Variants in PCLO observed in about 807,000 individuals in gnomAD.
The protein encoded by PCLO is piccolo presynaptic cytomatrix protein.
Under a neutral mutation model 427.5 loss-of-function variants are expected in PCLO, and 82 were observed. The observed-to-expected ratio is 0.19, with a 90% CI of 0.16 to 0.23. The LOEUF is 0.23. Ranked by LOEUF, PCLO falls within the 10% of genes least tolerant of loss-of-function variation. The probability of loss-of-function intolerance (pLI) is 1.00; values close to 1 mark genes in which losing one functional copy is unlikely to be tolerated. For synonymous variants in PCLO, 2,357 were observed against 2,155.4 expected, an observed-to-expected ratio of 1.09 and a Z score of -2.59; for missense variants, 6,239 against 6,115.9, an observed-to-expected ratio of 1.02 and a Z score of -0.67.
At chr7:83,045,007 C>A (rs1160291442) in intron 3 of PCLO, among the ~76,000 whole-genome samples, 3 of 152,158 alleles carry the variant, frequency 2.0e-5, no homozygotes. Context: ...CCACCATATG[C>A]TTCAGTTATT....
In PCLO at chr7:82,951,335, A is replaced by T; in HGVS notation, c.9253T>A (p.Ser3085Thr). The change falls in exon 6 of 25, where the codon TCT (serine) becomes ACT (threonine). Residue 3085 changes from serine (S) to threonine (T), a missense_variant. Transcript: ENST00000333891. Reference sequence around the variant, plus strand: ...ACTGAAGAATAGACAACACCATTAGATGACCTCAAAACACTCCCCACACAA... The same window carrying T: ...ACTGAAGAATAGACAACACCATTAGTTGACCTCAAAACACTCCCCACACAA... ...QYCVGSVLRS[S>T]NGVVYSSVAT... The T allele has an allele frequency of 6.2e-7, 1 of 1,610,558 alleles. No individual in the cohort carries two copies. The highest frequency in any genetic ancestry group is 8.5e-7 in the Non-Finnish European group (1 of 1,178,350).
rs376611941 is a variant in PCLO, at chr7:82,966,359, T to C, written c.3429A>G (p.Ser1143=). The C allele has an allele frequency of 2.4e-4, 387 of 1,613,816 alleles. No homozygotes were observed. The highest frequency in any genetic ancestry group is 3.0e-4 in the Non-Finnish European group (349 of 1,179,852). ...GAGGCACTGCTGTTTTCTGAGATGA[T>C]GATTCTGTAGGAACAGGCATAGGAG... The part of the protein sequence containing the change: ...KASPMPVPTE[S]SSQKTAVPPQ... The change falls in exon 4 of 25, where the codon TCA becomes TCG. Residue 1143 remains serine, a synonymous_variant. Coordinates refer to ENST00000333891, the MANE Select transcript of PCLO (RefSeq NM_033026.6).
intron 3 of PCLO, among the ~76,000 whole-genome samples, chr7:83,007,378 G>C (rs1411828743): frequency 6.6e-6 from 1 of 151,210 alleles, no homozygotes; most frequent in African/African-American, 2.4e-5. Context: ...GTGTAAAGTG[G>C]TAAAATATTT....
At chr7:83,025,884 C>CT (rs1788481455) in intron 3 of PCLO, among the ~76,000 whole-genome samples, 1 of 151,890 alleles carries the variant, frequency 6.6e-6, no homozygotes, top group Admixed American at 6.6e-5. Context: ...AAATAAAATA[C>CT]TTTACAGACA....
intron 4 of PCLO, among the ~76,000 whole-genome samples, chr7:82,960,983 T>C (rs950470703): frequency 2.6e-5 from 4 of 152,122 alleles, no homozygotes; most frequent in Non-Finnish European, 5.9e-5. Flanking sequence ...GGACTATAAT[T>C]CTAGTACTTC....
intron 10 of PCLO, among the ~76,000 whole-genome samples, chr7:82,874,248 T>C (rs1793313793): frequency 6.6e-6 from 1 of 151,706 alleles, no homozygotes; most frequent in Non-Finnish European, 1.5e-5. Context: ...GGACACAGTA[T>C]AAAGGAAAAA....
intron 22 of PCLO, among the ~76,000 whole-genome samples, chr7:82,796,628 C>T (rs1203482345): frequency 6.6e-6 from 1 of 151,612 alleles, no homozygotes; most frequent in Non-Finnish European, 1.5e-5. Flanking sequence ...ATAATTTTCC[C>T]TCTGGCTTAT....
In PCLO at chr7:82,954,038, C is replaced by A; in HGVS notation, c.6915G>T (p.Lys2305Asn). 6.2e-7 allele frequency: 1 copy of A among 1,613,788 alleles called. No homozygotes were observed. Residue 2305 changes from lysine to asparagine, a missense_variant, in exon 5 of 25, where the codon AAG (lysine) becomes AAT (asparagine). Lys to Asn is a moderately conservative substitution (Grantham distance 94). Coordinates refer to ENST00000333891, the MANE Select transcript of PCLO (RefSeq NM_033026.6). ...GAATGATTCCATTCCCAGTTTCCTTCTTGGCTTTCTTCACTGGGTCCTTTT... is the reference window on the plus strand; with the variant it reads ...GAATGATTCCATTCCCAGTTTCCTTATTGGCTTTCTTCACTGGGTCCTTTT... ...ISEKDPVKKAKKETGNGIILE... is the reference protein window; with the variant it reads ...ISEKDPVKKANKETGNGIILE...
chr7:83,047,749 A>T, intron 3 of PCLO, among the ~76,000 whole-genome samples: 1 of 152,258 alleles, frequency 6.6e-6, no homozygotes, highest in African/African-American at 2.4e-5. Context: ...TACAGATATG[A>T]AAATAATGGA....
intron 1 of PCLO, among the ~76,000 whole-genome samples, chr7:83,161,416 G>A (rs924311773): frequency 5.3e-5 from 8 of 152,138 alleles, no homozygotes; most frequent in African/African-American, 1.9e-4. Flanking sequence ...TAAAGGGTTT[G>A]TTTACAGTAA....
At chr7:82,768,210 GA>G (rs1427374298) in intron 22 of PCLO, among the ~76,000 whole-genome samples, 8 of 152,064 alleles carry the variant, frequency 5.3e-5, no homozygotes, top group Non-Finnish European at 7.4e-5. Flanking sequence ...ATCATTTGAG[GA>G]CAGGAGTTCG....
At chr7:82,989,657 T>C (rs1796334220) in intron 3 of PCLO, among the ~76,000 whole-genome samples, 1 of 152,150 alleles carries the variant, frequency 6.6e-6, no homozygotes, top group Non-Finnish European at 1.5e-5. Context: ...ATACCAGAAG[T>C]TATTTTAGGT....
At chr7:82,779,764 C>CA (rs1298778559) in intron 22 of PCLO, among the ~76,000 whole-genome samples, 21 of 118,470 alleles carry the variant, frequency 1.8e-4, no homozygotes, top group African/African-American at 6.5e-4. Flanking sequence ...TTTTTTTAGA[C>CA]AGAGTCTTGC....
intron 10 of PCLO, among the ~76,000 whole-genome samples, chr7:82,874,185 A>T (rs940236710): frequency 4.1e-4 from 60 of 145,298 alleles, no homozygotes; most frequent in Non-Finnish European, 6.3e-4. Flanking sequence ...TTTTTTTTTT[A>T]AATCACTTAT....
chr7:83,017,877 A>G (rs1788247091), intron 3 of PCLO: 2 of 152,074 alleles, frequency 1.3e-5, no homozygotes, highest in African/African-American at 4.8e-5. Context: ...GAAAGAAGTT[A>G]AAATAAAAAA....
chr7:82,902,002 G>A (rs564461450), intron 9 of PCLO, among the ~76,000 whole-genome samples: 18 of 151,692 alleles, frequency 1.2e-4, no homozygotes, highest in African/African-American at 4.4e-4. Context: ...TTCAACCATT[G>A]TGGAAGTCAG....
chr7:82,881,580 A>G (rs1289879770), intron 9 of PCLO, among the ~76,000 whole-genome samples: 2 of 152,204 alleles, frequency 1.3e-5, no homozygotes, highest in African/African-American at 4.8e-5. Flanking sequence ...GAGACTATAT[A>G]CATAGAAACA....
intron 22 of PCLO, among the ~76,000 whole-genome samples, chr7:82,770,365 A>G (rs1157069713): frequency 1.3e-5 from 2 of 152,014 alleles, no homozygotes; most frequent in Admixed American, 6.6e-5. Flanking sequence ...GCTAAGAAAT[A>G]AACCCATCAT....
rs904382687 is a variant in PCLO, at chr7:82,838,329, T to C, written c.14111A>G (p.Tyr4704Cys). ...ATGTATTATGAGATTTCCAAGATCATAGTTAATTTGAAGCTTTAGGAGAGA... is the reference window on the plus strand; with the variant it reads ...ATGTATTATGAGATTTCCAAGATCACAGTTAATTTGAAGCTTTAGGAGAGA... ...ITGEIQLQINYDLGNLIIHIL... is the reference protein window; with the variant it reads ...ITGEIQLQINCDLGNLIIHIL... The change falls in exon 15 of 25, where the codon TAT (tyrosine) becomes TGT (cysteine). Residue 4704 changes from tyrosine (Y) to cysteine (C), a missense_variant. Tyr to Cys is a radical substitution (Grantham distance 194). Transcript: ENST00000333891. 4 of 1,506,864 alleles carry C rather than the reference T, an allele frequency of 2.7e-6. No individual in the cohort carries two copies. The highest frequency in any genetic ancestry group is 2.3e-5 in the East Asian group (1 of 42,782). The allele number at this position is 1,506,864 out of a possible 1,614,324, so 93.3% of individuals were successfully genotyped here.
Sources: gnomAD v4.1 joint callset for allele counts (sites outside exome capture counted in the v4.1 genomes callset) on GRCh38, gnomAD v4.1.1 for gene constraint, MANE v1.5 for transcripts, NCBI Gene and HGNC (gene_info 2026-07-23, HGNC 2026-07-21) for gene names.